Variants in RBFOX1 observed in about 807,000 individuals in gnomAD.
RBFOX1 encodes RNA binding fox-1 homolog 1.
In RBFOX1, 8 loss-of-function variants were observed where a neutral mutation model predicts 57.7. That is an observed-to-expected ratio of 0.14 (90% confidence interval 0.08 to 0.25). The LOEUF is 0.25. Among genes scored for constraint, RBFOX1 ranks in the 10% least tolerant of loss-of-function variants. RBFOX1 has a pLI of 1.00. For synonymous variants in RBFOX1, 326 were observed against 222.4 expected (o/e 1.47, Z -4.15); for missense variants, 611 against 548.5 (o/e 1.11, Z -1.14).
chr16:7,498,246 C>A (rs1339275278), intron 4 of RBFOX1, among the ~76,000 whole-genome samples: 1 of 152,058 alleles, frequency 6.6e-6, no homozygotes, highest in Non-Finnish European at 1.5e-5. Flanking sequence ...ACGTTTGGTG[C>A]CAAGGTGGTC....
At chr16:7,452,401 C>G (rs2057535488) in intron 4 of RBFOX1, among the ~76,000 whole-genome samples, 1 of 152,164 alleles carries the variant, frequency 6.6e-6, no homozygotes, top group African/African-American at 2.4e-5. Context: ...CCCCACCTGC[C>G]TAGAATGGCC....
chr16:6,057,169 A>C (rs2095624765), intron 1 of RBFOX1: 2 of 152,186 alleles, frequency 1.3e-5, no homozygotes. Context: ...GTTAGAGAGT[A>C]AATTAGATTG....
chr16:5,626,887 G>T (rs1172692131), intron 3 of RBFOX1, among the ~76,000 whole-genome samples: 1 of 151,752 alleles, frequency 6.6e-6, no homozygotes, highest in Non-Finnish European at 1.5e-5. Flanking sequence ...TTGCTTAATT[G>T]GGTCTCATTT....
chr16:6,162,097 A>G (rs932723410), intron 1 of RBFOX1, among the ~76,000 whole-genome samples: 1 of 152,314 alleles, frequency 6.6e-6, no homozygotes, highest in East Asian at 1.9e-4. Flanking sequence ...GCAGATTTCC[A>G]AAGAACAGGA....
In RBFOX1 at chr16:6,929,395, C is replaced by G. The variant is rs576292113; in HGVS notation, c.-15-122662C>G. ...CACGTCACCATTGTCAAAATGACAT[C>G]CACAAGCAGTATTGATGCCTCCACC... On this transcript the variant is annotated intron_variant, in intron 3 of 15. Coordinates refer to ENST00000550418, the MANE Select transcript of RBFOX1 (RefSeq NM_018723.4). 3.7e-4 allele frequency among the ~76,000 whole-genome samples: 57 copies of G among 152,222 alleles called. 1 individual carries two copies. In the South Asian group the frequency reaches 0.011, roughly 30 times the overall value.
intron 2 of RBFOX1, among the ~76,000 whole-genome samples, chr16:6,482,954 G>A (rs370668468): frequency 1.3e-5 from 2 of 152,204 alleles, no homozygotes; most frequent in Non-Finnish European, 2.9e-5. Flanking sequence ...TCAGGGAACC[G>A]TGCAAGGTGC....
chr16:5,923,617 C>T (rs939473382), intron 4 of RBFOX1, among the ~76,000 whole-genome samples: 1 of 145,434 alleles, frequency 6.9e-6, no homozygotes, highest in Non-Finnish European at 1.5e-5. Context: ...TCTTGGCTGA[C>T]TGCAACCTCC....
intron 4 of RBFOX1, among the ~76,000 whole-genome samples, chr16:7,428,161 C>T (rs1415588422): frequency 6.6e-6 from 1 of 152,104 alleles, no homozygotes; most frequent in East Asian, 1.9e-4. Flanking sequence ...TATCACGTTG[C>T]ATGATAGTGC....
intron 2 of RBFOX1, among the ~76,000 whole-genome samples, chr16:6,336,980 G>C (rs756598686): frequency 7.2e-5 from 11 of 152,160 alleles, no homozygotes; most frequent in Admixed American, 5.2e-4. Context: ...ATCCAGAGCA[G>C]TTTACATTGC....
intron 2 of RBFOX1, among the ~76,000 whole-genome samples, chr16:6,652,594 C>G (rs373955217): frequency 3.3e-5 from 5 of 152,206 alleles, no homozygotes; most frequent in East Asian, 3.9e-4. Flanking sequence ...GAGCCTTGAC[C>G]TTGAACTTCC....
At chr16:6,435,801 G>T (rs1294041492) in intron 2 of RBFOX1, among the ~76,000 whole-genome samples, 1 of 152,084 alleles carries the variant, frequency 6.6e-6, no homozygotes, top group East Asian at 1.9e-4. Flanking sequence ...ATCAAAGTAG[G>T]AGCTGGTGCC....
At chr16:5,923,036 C>G (rs138975403) in intron 4 of RBFOX1, among the ~76,000 whole-genome samples, 11 of 152,260 alleles carry the variant, frequency 7.2e-5, no homozygotes, top group Non-Finnish European at 1.6e-4. Context: ...TCCCAGGGGA[C>G]TCTCCACAAG....
At chr16:5,736,932 T>A (rs930194817) in intron 3 of RBFOX1, among the ~76,000 whole-genome samples, 3 of 143,180 alleles carry the variant, frequency 2.1e-5, no homozygotes, top group Non-Finnish European at 4.5e-5. Flanking sequence ...TCTCTCCCTG[T>A]CTCTCTTCCT....
At chr16:5,378,638 C>G (rs1295197799) in intron 1 of RBFOX1, among the ~76,000 whole-genome samples, 2 of 151,494 alleles carry the variant, frequency 1.3e-5, no homozygotes, top group African/African-American at 4.9e-5. Flanking sequence ...CCTGGGTAAA[C>G]TGGGATGGTT....
At chr16:7,540,648 T>C (rs1327808685) in intron 5 of RBFOX1, among the ~76,000 whole-genome samples, 1 of 152,188 alleles carries the variant, frequency 6.6e-6, no homozygotes, top group East Asian at 1.9e-4. Flanking sequence ...AACCTGCTCA[T>C]GATAGTCATG....
chr16:6,787,660 A>C (rs2082191843), intron 3 of RBFOX1, among the ~76,000 whole-genome samples: 1 of 152,156 alleles, frequency 6.6e-6, no homozygotes, highest in Non-Finnish European at 1.5e-5. Context: ...TTACAAGATG[A>C]AAGAGATTGC....
chr16:7,284,172 A>T (rs759129230), intron 4 of RBFOX1, among the ~76,000 whole-genome samples: 36 of 152,284 alleles, frequency 2.4e-4, no homozygotes, highest in Non-Finnish European at 5.0e-4. Flanking sequence ...TAGTTTATTC[A>T]CTAGTTGAAG....
At chr16:6,795,728 T>G (rs2083864812) in intron 3 of RBFOX1, among the ~76,000 whole-genome samples, 2 of 151,006 alleles carry the variant, frequency 1.3e-5, no homozygotes, top group South Asian at 2.1e-4. Flanking sequence ...GTTGCACCAC[T>G]GCACTCTAGC....
chr16:7,042,754 C>T (rs775674634), intron 3 of RBFOX1, among the ~76,000 whole-genome samples: 14 of 152,084 alleles, frequency 9.2e-5, no homozygotes, highest in Admixed American at 3.9e-4. Context: ...GGCAAAACTC[C>T]ATCTCTGCTA....
Sources: gnomAD v4.1 joint callset for allele counts (sites outside exome capture counted in the v4.1 genomes callset) on GRCh38, gnomAD v4.1.1 for gene constraint, MANE v1.5 for transcripts, NCBI Gene and HGNC (gene_info 2026-07-23, HGNC 2026-07-21) for gene names.